Variants in GUCY1A2 observed in about 807,000 individuals in gnomAD.
The protein encoded by GUCY1A2 is guanylate cyclase 1 soluble subunit alpha 2.
A neutral mutation model predicts 63.5 loss-of-function variants in GUCY1A2; 27 were observed. The observed-to-expected ratio is 0.43, with a 90% CI of 0.31 to 0.59. The LOEUF is 0.59. Ranked by LOEUF, GUCY1A2 falls within the 20% of genes least tolerant of loss-of-function variation. The probability of loss-of-function intolerance (pLI) is 0.11; values close to 1 mark genes in which losing one functional copy is unlikely to be tolerated. For synonymous variants in GUCY1A2, 364 were observed against 343.5 expected (o/e 1.06, Z -0.66); for missense variants, 768 against 913.3 (o/e 0.84, Z 2.05).
chr11:106,795,436 TCTGA>T (rs370909638), intron 5 of GUCY1A2, among the ~76,000 whole-genome samples: 49 of 152,278 alleles, frequency 3.2e-4, no homozygotes, highest in African/African-American at 1.2e-3. Context: ...AATATTAAAC[TCTGA>T]CTATCACAGG....
At chr11:107,015,099 ATCTC>A (rs1251037722) in intron 1 of GUCY1A2, among the ~76,000 whole-genome samples, 1 of 152,148 alleles carries the variant, frequency 6.6e-6, no homozygotes, top group Admixed American at 6.5e-5. Context: ...TTGAAATATA[ATCTC>A]TCTCTTTTAT....
At chr11:106,908,698 A>C (rs944521658) in intron 4 of GUCY1A2, among the ~76,000 whole-genome samples, 1 of 152,094 alleles carries the variant, frequency 6.6e-6, no homozygotes, top group Admixed American at 6.6e-5. Flanking sequence ...GTAATAAAAT[A>C]AAAGAACACT....
chr11:106,833,823 C>T (rs1290601267), intron 4 of GUCY1A2, among the ~76,000 whole-genome samples: 1 of 151,922 alleles, frequency 6.6e-6, no homozygotes, highest in Non-Finnish European at 1.5e-5. Flanking sequence ...TTTTCCATTA[C>T]AAAGCATATT....
intron 6 of GUCY1A2, among the ~76,000 whole-genome samples, chr11:106,711,782 C>T (rs1279380054): frequency 3.3e-5 from 5 of 152,056 alleles, no homozygotes; most frequent in Non-Finnish European, 7.4e-5. Flanking sequence ...ATTTTGTCTT[C>T]ATATGTGAAA....
At chr11:106,713,258 T>G (rs914178575) in intron 6 of GUCY1A2, among the ~76,000 whole-genome samples, 11 of 152,178 alleles carry the variant, frequency 7.2e-5, no homozygotes, top group African/African-American at 2.7e-4. Context: ...TTAAAAAGTT[T>G]TTTTAAAGAT....
intron 3 of GUCY1A2, among the ~76,000 whole-genome samples, chr11:106,967,105 C>T (rs887472815): frequency 5.9e-5 from 9 of 152,100 alleles, no homozygotes; most frequent in African/African-American, 2.2e-4. Context: ...TCAACGTTTT[C>T]CTGGGCACTA....
chr11:106,816,671 C>A (rs1002167155), intron 4 of GUCY1A2, among the ~76,000 whole-genome samples: 1 of 151,226 alleles, frequency 6.6e-6, no homozygotes, highest in Admixed American at 6.6e-5. Context: ...AAAATGGTTT[C>A]TTTGAAAAAA....
At chr11:106,719,579 A>C (rs1289914458) in intron 6 of GUCY1A2, among the ~76,000 whole-genome samples, 2 of 152,232 alleles carry the variant, frequency 1.3e-5, no homozygotes, top group East Asian at 3.8e-4. Flanking sequence ...CCTTCTTTTA[A>C]AAATAAGAAT....
At chr11:106,794,350 G>A (rs985188956) in intron 5 of GUCY1A2, among the ~76,000 whole-genome samples, 2 of 152,082 alleles carry the variant, frequency 1.3e-5, no homozygotes, top group African/African-American at 4.8e-5. Context: ...GAGGGTGGAA[G>A]AAATGGGAAG....
chr11:106,809,953 A>AC (rs1858742138), intron 5 of GUCY1A2, 40 bp downstream of exon 5: 1 of 1,298,372 alleles, frequency 7.7e-7, no homozygotes, highest in Admixed American at 2.2e-5. Context: ...ACAATTTACT[A>AC]TTAAAAAACA....
chr11:106,708,137 AC>A (rs1862950319), intron 7 of GUCY1A2, among the ~76,000 whole-genome samples: 1 of 151,968 alleles, frequency 6.6e-6, no homozygotes, highest in African/African-American at 2.4e-5. Context: ...CAGTCCAACC[AC>A]CTTTTCTATT....
chr11:106,915,186 A>C (rs188807675), intron 4 of GUCY1A2, among the ~76,000 whole-genome samples: 144 of 152,268 alleles, frequency 9.5e-4, no homozygotes, highest in African/African-American at 3.3e-3. Context: ...GAAAGAATGA[A>C]GGTAAAATAA....
intron 6 of GUCY1A2, among the ~76,000 whole-genome samples, chr11:106,726,173 G>A (rs1435151764): frequency 6.6e-6 from 1 of 152,168 alleles, no homozygotes; most frequent in Non-Finnish European, 1.5e-5. Context: ...CCAGCAATTT[G>A]GGAGGCTGAA....
At chr11:106,746,611 A>G in intron 6 of GUCY1A2, 1 of 1,596,706 alleles carries the variant, frequency 6.3e-7, no homozygotes, top group Non-Finnish European at 8.5e-7. Context: ...GGATGGAAAC[A>G]GGAAAGGAGA....
chr11:106,939,963 G>A lies in GUCY1A2; in HGVS notation c.703C>T (p.Leu235Phe). 5 of 1,613,970 alleles carry A rather than the reference G, an allele frequency of 3.1e-6. No individual in the cohort carries two copies. The highest frequency in any genetic ancestry group is 4.2e-6 in the Non-Finnish European group (5 of 1,179,888). ...TGAGGGTGGAAGTAGTGGAGCATGA[G>A]AGTACCTTCAGGGAGCTCTTTGCAT... ...FLCKELPEGT[L>F]MLHYFHPHHI... Residue 235 changes from leucine (L) to phenylalanine (F), a missense_variant, in exon 4 of 8, where the codon CTC becomes TTC. Physicochemically the swap from Leu to Phe is conservative, Grantham distance 22. Transcript: ENST00000526355.
chr11:106,821,224 T>G (rs1417391225), intron 4 of GUCY1A2, among the ~76,000 whole-genome samples: 2 of 152,214 alleles, frequency 1.3e-5, no homozygotes, highest in Admixed American at 6.5e-5. Context: ...ATGAAATGTT[T>G]ATGTTTTGCT....
intron 6 of GUCY1A2, among the ~76,000 whole-genome samples, chr11:106,715,684 T>G (rs1215818475): frequency 3.3e-5 from 5 of 152,222 alleles, no homozygotes; most frequent in Non-Finnish European, 7.3e-5. Flanking sequence ...AAATATTTCC[T>G]GACTGCTCTA....
intron 1 of GUCY1A2, among the ~76,000 whole-genome samples, chr11:107,014,754 G>A (rs1015895171): frequency 6.6e-6 from 1 of 152,088 alleles, no homozygotes; most frequent in African/African-American, 2.4e-5. Flanking sequence ...GACATGCCAC[G>A]ATGAGACAAC....
chr11:106,861,471 G>T (rs1179830036), intron 4 of GUCY1A2, among the ~76,000 whole-genome samples: 2 of 151,800 alleles, frequency 1.3e-5, no homozygotes, highest in Non-Finnish European at 2.9e-5. Context: ...CCATTTGTCA[G>T]CCATGTTCCC....
Sources: gnomAD v4.1 joint callset for allele counts (sites outside exome capture counted in the v4.1 genomes callset) on GRCh38, gnomAD v4.1.1 for gene constraint, MANE v1.5 for transcripts, NCBI Gene and HGNC (gene_info 2026-07-23, HGNC 2026-07-21) for gene names.